GGNBP2: variants seen among roughly 807,000 people sequenced by gnomAD.
The protein encoded by GGNBP2 is gametogenetin-binding protein 2.
GGNBP2 carries 10 observed loss-of-function variants against 85.9 expected under a neutral mutation model. That is an observed-to-expected ratio of 0.12 (90% confidence interval 0.07 to 0.20). The LOEUF (loss-of-function observed/expected upper bound fraction) is 0.20. Ranked by LOEUF, GGNBP2 falls within the 10% of genes least tolerant of loss-of-function variation. The pLI, the probability that GGNBP2 is intolerant of heterozygous loss-of-function variation, is 1.00. For synonymous variants in GGNBP2, 287 were observed against 285.7 expected, an observed-to-expected ratio of 1.00 and a Z score of -0.05; for missense variants, 595 against 857.8, an observed-to-expected ratio of 0.69 and a Z score of 3.83.
chr17:36,577,687 G>T, intron 6 of GGNBP2: 1 of 413,954 alleles, frequency 2.4e-6, no homozygotes, highest in African/African-American at 2.0e-5. Flanking sequence ...GCTAGTTCTT[G>T]GCAACTAATA....
chr17:36,570,794 G>A (rs149290135), intron 6 of GGNBP2, among the ~76,000 whole-genome samples: 2,262 of 152,288 alleles, frequency 0.015, 52 homozygotes, highest in African/African-American at 0.05. Flanking sequence ...GCTGAAATGG[G>A]CAGATCACAT....
chr17:36,561,785 G>A (rs1165271003), intron 5 of GGNBP2, among the ~76,000 whole-genome samples: 3 of 151,854 alleles, frequency 2.0e-5, no homozygotes, highest in Non-Finnish European at 2.9e-5. Context: ...CACCAAGCCC[G>A]GCTAATTTTT....
Position 36,545,655 on chromosome 17 carries a change from A to T in GGNBP2, c.-70A>T. On this transcript the variant is annotated 5_prime_UTR_variant, in exon 2 of 14. Transcript: ENST00000613102. ...GAGGAGGCGGCAGCGGCGGCGGCAG[A>T]AACAGCAGCGGCGGCGGCGGCGGCA... 1 of 1,261,838 alleles carries T rather than the reference A, an allele frequency of 7.9e-7. No homozygotes were observed. Among genetic ancestry groups the T allele is most frequent in the East Asian group, 2.5e-5 (1 of 39,224 alleles). 78.2% of individuals were successfully genotyped at this position (1,261,838 alleles called of 1,614,324 possible).
chr17:36,588,476 G>A lies in GGNBP2; in HGVS notation c.1891-732G>A, dbSNP rs1385927723. On this transcript the variant is annotated intron_variant, in intron 13 of 13. Coordinates refer to ENST00000613102, the MANE Select transcript of GGNBP2 (RefSeq NM_024835.5). ...TCTCCATGTTGGTCAGGCTGGTCTC[G>A]AACTCCCAACCTCAGGTGATCTGCC... is the stretch of plus-strand genomic sequence containing the variant. 2.6e-5 allele frequency among the ~76,000 whole-genome samples: 4 copies of A among 152,122 alleles called. No homozygotes were observed. The East Asian group carries it at 5.8e-4, about 22-fold the overall frequency.
At chr17:36,554,351 AATT>A (rs2074340236) in intron 2 of GGNBP2, among the ~76,000 whole-genome samples, 9 of 102,636 alleles carry the variant, frequency 8.8e-5, no homozygotes, top group African/African-American at 3.5e-4. Flanking sequence ...TATGTACTTG[AATT>A]TTTTTTTTTT....
intron 9 of GGNBP2, 118 bp downstream of exon 9, chr17:36,581,656 G>C (rs1457805328): frequency 1.6e-6 from 1 of 622,854 alleles, no homozygotes; most frequent in East Asian, 3.1e-5. Flanking sequence ...CAGGGTGGAG[G>C]TATCACTTGA....
intron 9 of GGNBP2, among the ~76,000 whole-genome samples, chr17:36,583,449 T>C (rs978528148): frequency 6.6e-6 from 1 of 152,050 alleles, no homozygotes; most frequent in African/African-American, 2.4e-5. Flanking sequence ...CACACAGATA[T>C]TATATGGTAG....
chr17:36,548,492 G>A lies in GGNBP2; in HGVS notation c.93+2675G>A, dbSNP rs143923346. ...TAGCCAGACATAGTGGTGGGTGCCT[G>A]TAATCCCAGCTACTCAGGAGGCTGA... On this transcript the variant is annotated intron_variant, in intron 2 of 13. Coordinates refer to ENST00000613102, the MANE Select transcript of GGNBP2 (RefSeq NM_024835.5). Among the ~76,000 whole-genome samples, 771 of 151,618 alleles carry A rather than the reference G, an allele frequency of 5.1e-3. 13 individuals are homozygous for A. The highest frequency in any genetic ancestry group is 0.026 in the East Asian group (132 of 5,140).
At chr17:36,573,993 G>C (rs185072152) in intron 6 of GGNBP2, among the ~76,000 whole-genome samples, 1 of 151,900 alleles carries the variant, frequency 6.6e-6, no homozygotes, top group East Asian at 1.9e-4. Flanking sequence ...AGTTCTAGTG[G>C]TTCTTTATAT....
At chr17:36,585,642 CG>C in intron 10 of GGNBP2, 192 bp downstream of exon 10, 1 of 613,958 alleles carries the variant, frequency 1.6e-6, no homozygotes, top group Non-Finnish European at 2.7e-6. Flanking sequence ...TTGACAAAAA[CG>C]AAAAATGGTA....
At chr17:36,577,096 G>A (rs1428338861) in intron 6 of GGNBP2, 5 of 152,174 alleles carry the variant, frequency 3.3e-5, no homozygotes, top group African/African-American at 4.8e-5. Context: ...TTAAATCAAA[G>A]AGATCAAAAT....
intron 7 of GGNBP2, chr17:36,578,519 A>G (rs2074613801): frequency 4.2e-6 from 1 of 237,100 alleles, no homozygotes; most frequent in South Asian, 1.2e-4. Context: ...TCATGTGTAA[A>G]TTTTATTCAC....
intron 6 of GGNBP2, among the ~76,000 whole-genome samples, chr17:36,575,638 ATATATATATAT>A (rs1361354630): frequency 8.2e-4 from 38 of 46,300 alleles, no homozygotes; most frequent in African/African-American, 3.5e-3. Flanking sequence ...ATATATATAT[ATATATATATAT>A]TTTTTTTTTT....
intron 2 of GGNBP2, among the ~76,000 whole-genome samples, chr17:36,554,587 G>A (rs1207079489): frequency 1.3e-5 from 2 of 151,620 alleles, no homozygotes; most frequent in South Asian, 2.1e-4. Context: ...GGCTGGTCTC[G>A]AACTCCCAAC....
At chr17:36,548,661 A>C (rs933079453) in intron 2 of GGNBP2, among the ~76,000 whole-genome samples, 1 of 127,342 alleles carries the variant, frequency 7.9e-6, no homozygotes, top group Non-Finnish European at 1.6e-5. Flanking sequence ...AAGTAGCCTT[A>C]GGCCCGGTGC....
chr17:36,554,335 T>C (rs2074339696), intron 2 of GGNBP2, among the ~76,000 whole-genome samples: 1 of 141,524 alleles, frequency 7.1e-6, no homozygotes, highest in Admixed American at 7.0e-5. Flanking sequence ...AAATGGAAAC[T>C]TGTCTTATGT....
At chr17:36,586,662 A>G (rs1300024638) in intron 12 of GGNBP2, 3 of 288,082 alleles carry the variant, frequency 1.0e-5, no homozygotes, top group African/African-American at 2.2e-5. Context: ...TCTGTCGCCT[A>G]TACTAGAGTA....
At chr17:36,565,907 A>G (rs2074463389) in intron 5 of GGNBP2, among the ~76,000 whole-genome samples, 1 of 152,150 alleles carries the variant, frequency 6.6e-6, no homozygotes, top group African/African-American at 2.4e-5. Context: ...AAAAGGAAAT[A>G]TCAGAGTTGA....
chr17:36,567,644 A>G lies in GGNBP2; in HGVS notation c.528-19A>G, dbSNP rs746346300. The stretch of plus-strand genomic sequence containing the variant: ...CCTTCTGTATTCTCCCTTTTCACTA[A>G]TATTTGTTCTTTCTACAGAGGTTGT... On this transcript the variant is annotated intron_variant, in intron 5 of 13. Coordinates refer to ENST00000613102, the MANE Select transcript of GGNBP2 (RefSeq NM_024835.5). 1.6e-6 allele frequency: 2 copies of G among 1,282,036 alleles called. No homozygotes were observed. The highest frequency in any genetic ancestry group is 2.3e-6 in the Non-Finnish European group (2 of 887,298). The allele number at this position is 1,282,036 out of a possible 1,614,324, so 79.4% of individuals were successfully genotyped here.
Sources: gnomAD v4.1 joint callset for allele counts (sites outside exome capture counted in the v4.1 genomes callset) on GRCh38, gnomAD v4.1.1 for gene constraint, MANE v1.5 for transcripts, NCBI Gene and HGNC (gene_info 2026-07-23, HGNC 2026-07-21) for gene names.